The following PHKA1 variants were observed in gnomAD, a reference collection of about 807,000 sequenced individuals.
PHKA1 encodes phosphorylase kinase regulatory subunit alpha 1.
In PHKA1, 60 loss-of-function variants were observed where a neutral mutation model predicts 110.2. The ratio of observed to expected loss-of-function variants is 0.54; its 90% confidence interval spans 0.44 to 0.68. The LOEUF is 0.68. Ranked by LOEUF, PHKA1 falls within the 30% of genes least tolerant of loss-of-function variation. PHKA1 has a pLI of 0.00. For missense variants in PHKA1, 801 were observed against 942.5 expected (o/e 0.85, Z 1.97); for synonymous variants, 316 against 333.6 (o/e 0.95, Z 0.58).
intron 12 of PHKA1, among the ~76,000 whole-genome samples, chrX:72,652,278 G>A (rs1209441600): frequency 9.0e-6 from 1 of 111,336 alleles, no homozygotes; most frequent in Admixed American, 9.5e-5. Flanking sequence ...GTTTTGAAAG[G>A]GATAGATCTG....
Position 72,667,414 on chromosome X carries a change from T to C in PHKA1, c.678A>G (p.Ser226=). Residue 226 remains serine (S), a synonymous_variant, in exon 7 of 32, where the codon TCA becomes TCG. Coordinates refer to ENST00000373542, the MANE Select transcript of PHKA1 (RefSeq NM_002637.4). The part of the protein sequence containing the change: ...DLFGVKGGPQ[S]VIHVLADEVQ... ...CTTCATCAGCCAGGACATGGATAACTGATTGAGGCCCACCTTTCACACCAA... is the reference window on the plus strand; with the variant it reads ...CTTCATCAGCCAGGACATGGATAACCGATTGAGGCCCACCTTTCACACCAA... The C allele has an allele frequency of 8.3e-7, 1 of 1,210,713 alleles. No homozygotes were observed. Among genetic ancestry groups the C allele is most frequent in the Non-Finnish European group, 1.1e-6 (1 of 894,452 alleles).
intron 17 of PHKA1, among the ~76,000 whole-genome samples, chrX:72,626,613 G>A (rs920396373): frequency 1.8e-5 from 2 of 111,381 alleles, no homozygotes; most frequent in Non-Finnish European, 3.8e-5. Flanking sequence ...ACTGCAGATA[G>A]TACTGAACCT....
intron 2 of PHKA1, among the ~76,000 whole-genome samples, chrX:72,710,042 CAAAAAAAAAAA>C (rs374071163): frequency 5.2e-5 from 1 of 19,259 alleles, no homozygotes; most frequent in Non-Finnish European, 9.7e-5. Context: ...ACTTAGTCTT[CAAAAAAAAAAA>C]AAAAAAAAAA....
At chrX:72,704,575 ATG>A (rs375102108) in intron 3 of PHKA1, among the ~76,000 whole-genome samples, 4 of 107,294 alleles carry the variant, frequency 3.7e-5, no homozygotes, top group African/African-American at 1.0e-4. Context: ...GTGTATGTGC[ATG>A]TGTGTGTGTG....
intron 29 of PHKA1, among the ~76,000 whole-genome samples, chrX:72,592,550 G>T (rs1419888455): frequency 1.8e-5 from 2 of 112,055 alleles, no homozygotes; most frequent in African/African-American, 6.5e-5. Flanking sequence ...AATAAATATT[G>T]GTCACATCAA....
intron 29 of PHKA1, among the ~76,000 whole-genome samples, chrX:72,587,265 T>TG (rs2052446499): frequency 9.0e-6 from 1 of 110,540 alleles, no homozygotes; most frequent in African/African-American, 3.3e-5. Context: ...CAGAAGAGAG[T>TG]GGGGGCCGAT....
At chrX:72,679,246 T>A (rs1556313115) in intron 5 of PHKA1, among the ~76,000 whole-genome samples, 1 of 111,346 alleles carries the variant, frequency 9.0e-6, no homozygotes, top group Non-Finnish European at 1.9e-5. Flanking sequence ...GGAGAATAAC[T>A]AGCCCCAGAC....
intron 10 of PHKA1, among the ~76,000 whole-genome samples, chrX:72,655,018 C>T (rs949110599): frequency 2.6e-4 from 29 of 109,861 alleles, no homozygotes; most frequent in African/African-American, 9.5e-4. Flanking sequence ...GGGATGGTCT[C>T]GATCTCCTGA....
chrX:72,601,300 A>T (rs1041446372), intron 28 of PHKA1, among the ~76,000 whole-genome samples: 1 of 111,965 alleles, frequency 8.9e-6, no homozygotes, highest in Non-Finnish European at 1.9e-5. Context: ...ATTCAGGACC[A>T]TTGTTAATAG....
intron 21 of PHKA1, among the ~76,000 whole-genome samples, chrX:72,614,400 G>A (rs2052860400): frequency 9.0e-6 from 1 of 111,721 alleles, no homozygotes; most frequent in South Asian, 3.7e-4. Context: ...GTCTGACACT[G>A]TCAAATTTTA....
rs1278514264 is a variant in PHKA1 at position 72,687,642 on chromosome X, CTG to C, written c.455-3064_455-3063del. 1.0e-4 allele frequency among the ~76,000 whole-genome samples: 11 copies of C among 109,934 alleles called. 1 individual carries two copies. Among genetic ancestry groups the C allele is most frequent in the Non-Finnish European group, 3.8e-5 (2 of 52,722 alleles). ...CTTTTCTGTGGTTCACACAAACATA[CTG>C]TGTGTGTGTGTTTGTGTGTGTGTAT... On this transcript the variant is annotated intron_variant, in intron 4 of 31. Coordinates refer to ENST00000373542, the MANE Select transcript of PHKA1 (RefSeq NM_002637.4).
intron 16 of PHKA1, among the ~76,000 whole-genome samples, chrX:72,634,943 T>A (rs2053211726): frequency 8.9e-6 from 1 of 112,219 alleles, no homozygotes. Context: ...TTCTAAAGCA[T>A]AAGCTCCATG....
In PHKA1 at chrX:72,593,178, G is replaced by A. The variant is rs781856424; in HGVS notation, c.3169C>T (p.Arg1057Ter). 4.2e-6 allele frequency: 5 copies of A among 1,193,564 alleles called. No individual in the cohort carries two copies. The highest frequency in any genetic ancestry group is 1.8e-5 in the South Asian group (1 of 56,547). Residue 1057 changes from arginine to a stop codon, truncating the protein, a stop_gained, in exon 29 of 32, where the codon CGA becomes TGA. Transcript: ENST00000373542. LOFTEE classifies it high-confidence loss of function. ...KDSRQGQWQR[R>*]RRLDGALNRV... ...TTCAGTGCCCCATCCAGCCTTCTTC[G>A]GCGTTGCCATTGACCTTGACGACTA...
Position 72,584,247 on chromosome X carries a change from A to C in PHKA1, c.3297+2T>G. On this transcript the variant is annotated splice_donor_variant, in intron 30 of 31. Transcript: ENST00000373542. LOFTEE classifies it high-confidence loss of function. ...ATAAATGTGCAAGAAAGAGACTCTT[A>C]CCTCTCTAGTGGTAGAGGAAGGAAG... 1 of 1,195,090 alleles carries C rather than the reference A, an allele frequency of 8.4e-7. No individual in the cohort carries two copies. Among genetic ancestry groups the C allele is most frequent in the Non-Finnish European group, 1.1e-6 (1 of 880,467 alleles).
chrX:72,633,776 T>C (rs1332769053), intron 16 of PHKA1, among the ~76,000 whole-genome samples: 1 of 112,056 alleles, frequency 8.9e-6, no homozygotes, highest in Non-Finnish European at 1.9e-5. Context: ...TTTGATAGTT[T>C]CAGACTTCTG....
At chrX:72,694,813 A>G (rs1287649056) in intron 4 of PHKA1, among the ~76,000 whole-genome samples, 2 of 111,918 alleles carry the variant, frequency 1.8e-5, no homozygotes, top group Admixed American at 1.9e-4. Flanking sequence ...GTTGCTTTGT[A>G]GACATAACTC....
chrX:72,600,018 C>G (rs889513693), intron 28 of PHKA1, among the ~76,000 whole-genome samples: 2 of 110,618 alleles, frequency 1.8e-5, no homozygotes, highest in Admixed American at 1.9e-4. Flanking sequence ...AATAGCTTTA[C>G]CCTAGAAGCC....
chrX:72,712,954 A>C lies in PHKA1; in HGVS notation c.79-17T>G, dbSNP rs781827221. 9.9e-6 allele frequency: 12 copies of C among 1,207,728 alleles called. No homozygotes were observed. Among genetic ancestry groups the C allele is most frequent in the Non-Finnish European group, 1.2e-5 (11 of 893,557 alleles). ...CACTGGATTCTGCAAGGTCAAGAAA[A>C]AGAGGGCAGGAAGGTAACCATAGGT... On this transcript the variant is annotated splice_polypyrimidine_tract_variant and intron_variant, in intron 1 of 31. Transcript: ENST00000373542.
intron 3 of PHKA1, among the ~76,000 whole-genome samples, chrX:72,697,917 G>A (rs2054149875): frequency 1.8e-5 from 2 of 108,950 alleles, no homozygotes; most frequent in Non-Finnish European, 1.9e-5. Flanking sequence ...CTGGGAGGTG[G>A]AGGTTACAAT....
Sources: allele counts gnomAD v4.1 joint callset (sites outside exome capture counted in the v4.1 genomes callset), GRCh38; gene constraint gnomAD v4.1.1; transcripts MANE v1.5; gene names NCBI Gene and HGNC (gene_info 2026-07-23, HGNC 2026-07-21).